Variants in SLC44A5 observed in about 807,000 individuals in gnomAD.
The protein encoded by SLC44A5 is solute carrier family 44 member 5, also known as choline transporter-like protein 5.
A neutral mutation model predicts 101.8 loss-of-function variants in SLC44A5; 57 were observed. The observed-to-expected ratio is 0.56, with a 90% CI of 0.45 to 0.70. The LOEUF (loss-of-function observed/expected upper bound fraction) is 0.70. SLC44A5 is among the 30% of genes least tolerant of loss of function. The pLI is 0.00. For missense variants in SLC44A5, 737 were observed against 853.1 expected, an observed-to-expected ratio of 0.86 and a Z score of 1.70; for synonymous variants, 281 against 290.9, an observed-to-expected ratio of 0.97 and a Z score of 0.35.
At chr1:75,564,095 C>T (rs1338800737) in intron 1 of SLC44A5, among the ~76,000 whole-genome samples, 1 of 152,148 alleles carries the variant, frequency 6.6e-6, no homozygotes, top group African/African-American at 2.4e-5. Context: ...TCACCAAATA[C>T]ATCAGAACAC....
chr1:75,406,597 C>G lies in SLC44A5; in HGVS notation c.14-9976G>C, dbSNP rs192469619. 5.9e-5 allele frequency among the ~76,000 whole-genome samples: 9 copies of G among 152,210 alleles called. No homozygotes were observed. The East Asian group carries it at 1.7e-3, about 29-fold the overall frequency. ...AACATAAACCATCACATAAATGGAA[C>G]CAATGACAAAAAGCACACGATTATC... On this transcript the variant is annotated intron_variant, in intron 2 of 23. Transcript: ENST00000370859.
the SLC44A5 span, among the ~76,000 whole-genome samples, chr1:75,647,826 G>C: frequency 2.0e-5 from 3 of 152,218 alleles, no homozygotes; most frequent in Non-Finnish European, 4.4e-5. Flanking sequence ...TTGTACCTTG[G>C]AAGTAACTAA....
chr1:75,430,384 A>C (rs1309524370), intron 2 of SLC44A5, among the ~76,000 whole-genome samples: 2 of 152,198 alleles, frequency 1.3e-5, no homozygotes, highest in African/African-American at 4.8e-5. Flanking sequence ...TGTGAAAAAT[A>C]AATTTCTATT....
At chr1:75,340,298 C>T (rs775612614) in intron 3 of SLC44A5, among the ~76,000 whole-genome samples, 4 of 152,128 alleles carry the variant, frequency 2.6e-5, no homozygotes, top group Non-Finnish European at 5.9e-5. Flanking sequence ...TTTCTCCCTA[C>T]ATGTACTGTG....
intron 2 of SLC44A5, among the ~76,000 whole-genome samples, chr1:75,458,403 G>C (rs1326607027): frequency 6.6e-6 from 1 of 152,102 alleles, no homozygotes; most frequent in Non-Finnish European, 1.5e-5. Context: ...AGATAATATA[G>C]AATTACTGAA....
At chr1:75,215,677 T>C (rs1375805389) in intron 19 of SLC44A5, 77 bp downstream of exon 19, 1 of 827,746 alleles carries the variant, frequency 1.2e-6, no homozygotes, top group Non-Finnish European at 2.0e-6. Context: ...GTAAAAGTAC[T>C]TTAGAGAGGG....
the SLC44A5 span, among the ~76,000 whole-genome samples, chr1:75,702,376 T>C: frequency 6.6e-6 from 1 of 152,150 alleles, no homozygotes; most frequent in African/African-American, 2.4e-5. Context: ...CCATCTGATC[T>C]TTGACAAACC....
intron 2 of SLC44A5, among the ~76,000 whole-genome samples, chr1:75,537,275 T>G (rs909630670): frequency 6.6e-6 from 1 of 152,054 alleles, no homozygotes; most frequent in East Asian, 1.9e-4. Flanking sequence ...ACTTTATTTC[T>G]CTTCTAATCA....
At chr1:75,281,647 C>T (rs1029204776) in intron 5 of SLC44A5, among the ~76,000 whole-genome samples, 6 of 112,928 alleles carry the variant, frequency 5.3e-5, no homozygotes, top group African/African-American at 1.4e-4. Flanking sequence ...CCCCCCCCCC[C>T]CCCCGCTGCA....
chr1:75,305,100 T>A (rs1398084555), intron 4 of SLC44A5, among the ~76,000 whole-genome samples: 2 of 152,266 alleles, frequency 1.3e-5, no homozygotes, highest in African/African-American at 2.4e-5. Flanking sequence ...TACATGTGCA[T>A]GTGCAGACTT....
intron 1 of SLC44A5, among the ~76,000 whole-genome samples, chr1:75,571,788 A>C (rs973521685): frequency 1.3e-5 from 2 of 152,336 alleles, no homozygotes; most frequent in Admixed American, 6.5e-5. Context: ...ACATAACTCC[A>C]CTAAGTTAAG....
chr1:75,556,203 T>A (rs1467654835), intron 1 of SLC44A5, among the ~76,000 whole-genome samples: 1 of 152,080 alleles, frequency 6.6e-6, no homozygotes. Flanking sequence ...GCAAAATTAG[T>A]CACATTGTAT....
At chr1:75,523,375 T>C (rs940006568) in intron 2 of SLC44A5, among the ~76,000 whole-genome samples, 4 of 152,180 alleles carry the variant, frequency 2.6e-5, no homozygotes, top group East Asian at 1.9e-4. Flanking sequence ...TGCAGTTGTG[T>C]GATCTCAGCC....
At chr1:75,588,786 A>G (rs1674173382) in intron 1 of SLC44A5, among the ~76,000 whole-genome samples, 1 of 152,166 alleles carries the variant, frequency 6.6e-6, no homozygotes. Flanking sequence ...TCTTCCACAA[A>G]TAATTGGAAA....
In SLC44A5 at chr1:75,461,291, C is replaced by T. The variant is rs59399859; in HGVS notation, c.14-64670G>A. On this transcript the variant is annotated intron_variant, in intron 2 of 23. Transcript: ENST00000370859. ...AAATAGTTTTAAAATTGTTCCCTAACCATTTTCATCTCTGACAATTTTCAC... is the reference window on the plus strand; with the variant it reads ...AAATAGTTTTAAAATTGTTCCCTAATCATTTTCATCTCTGACAATTTTCAC... Among the ~76,000 whole-genome samples, 1,290 of 152,272 alleles carry T rather than the reference C, an allele frequency of 8.5e-3. 25 individuals carry two copies. Among genetic ancestry groups the T allele is most frequent in the African/African-American group, 0.029 (1,206 of 41,558 alleles).
intron 2 of SLC44A5, among the ~76,000 whole-genome samples, chr1:75,481,900 C>T (rs903191506): frequency 8.5e-5 from 13 of 152,148 alleles, no homozygotes; most frequent in African/African-American, 3.1e-4. Flanking sequence ...TAGAATTTGA[C>T]CCAGCCATCC....
chr1:75,636,236 T>C, the SLC44A5 span, among the ~76,000 whole-genome samples: 27,196 of 152,074 alleles, frequency 0.18, 2,608 homozygotes, highest in Non-Finnish European at 0.21. Flanking sequence ...TATAAAATGA[T>C]GGTGATTACA....
chr1:75,659,627 C>A, the SLC44A5 span, among the ~76,000 whole-genome samples: 2,144 of 98,474 alleles, frequency 0.022, 4 homozygotes, highest in East Asian at 0.035. Context: ...CCATCTCTAC[C>A]AAAAAAAAAA....
chr1:75,529,000 A>G (rs753623951), intron 2 of SLC44A5, among the ~76,000 whole-genome samples: 2 of 152,194 alleles, frequency 1.3e-5, no homozygotes, highest in African/African-American at 2.4e-5. Context: ...TTCTCCTATC[A>G]TAACACATAA....
Sources: allele counts gnomAD v4.1 joint callset (sites outside exome capture counted in the v4.1 genomes callset), GRCh38; gene constraint gnomAD v4.1.1; transcripts MANE v1.5; gene names NCBI Gene and HGNC (gene_info 2026-07-23, HGNC 2026-07-21).